CLDN14: variants seen among roughly 807,000 people sequenced by gnomAD.
The protein encoded by CLDN14 is claudin 14.
CLDN14 carries 2 observed loss-of-function variants against 2.1 expected under a neutral mutation model. The observed-to-expected ratio is 0.96, with a 90% CI of 0.39 to 3.01. The LOEUF (loss-of-function observed/expected upper bound fraction) is 3.01, where lower values mean the gene tolerates loss of function less well. Among genes scored for constraint, CLDN14 ranks in the 30% most tolerant of loss-of-function variants. The probability of loss-of-function intolerance (pLI) is 0.09; values close to 1 mark genes in which losing one functional copy is unlikely to be tolerated. For synonymous variants in CLDN14, 136 were observed against 154.4 expected (o/e 0.88, Z 0.88); for missense variants, 298 against 328.0 (o/e 0.91, Z 0.71).
At chr21:36,521,502 C>T (rs934953811) in intron 1 of CLDN14, among the ~76,000 whole-genome samples, 1 of 152,240 alleles carries the variant, frequency 6.6e-6, no homozygotes, top group African/African-American at 2.4e-5. Context: ...CAAACCTCTA[C>T]TTCTGAATGT....
intron 1 of CLDN14, among the ~76,000 whole-genome samples, chr21:36,518,419 G>A (rs2087244994): frequency 6.6e-6 from 1 of 152,076 alleles, no homozygotes; most frequent in Admixed American, 6.6e-5. Flanking sequence ...TGTCCAACAT[G>A]GTGAAACCCC....
At chr21:36,555,307 A>C (rs906463736) in intron 1 of CLDN14, among the ~76,000 whole-genome samples, 6 of 88,586 alleles carry the variant, frequency 6.8e-5, no homozygotes, top group Non-Finnish European at 8.6e-5. Flanking sequence ...AACACAAGCC[A>C]AAAGAGGAGG....
At chr21:36,463,199 T>C (rs540177440) in intron 1 of CLDN14, among the ~76,000 whole-genome samples, 1 of 152,164 alleles carries the variant, frequency 6.6e-6, no homozygotes, top group African/African-American at 2.4e-5. Flanking sequence ...GCCCATCCAG[T>C]GGGCGACCTG....
intron 1 of CLDN14, among the ~76,000 whole-genome samples, chr21:36,553,377 C>T (rs557024878): frequency 1.3e-5 from 2 of 152,254 alleles, no homozygotes; most frequent in South Asian, 4.1e-4. Flanking sequence ...GGCAGTGATG[C>T]CCACCTGAGG....
chr21:36,560,165 C>T (rs1321394902), intron 1 of CLDN14, among the ~76,000 whole-genome samples: 1 of 150,792 alleles, frequency 6.6e-6, no homozygotes, highest in Admixed American at 6.6e-5. Flanking sequence ...TCTTTAGGCT[C>T]AAATACTTAT....
chr21:36,552,600 A>G (rs1020619438), intron 1 of CLDN14, among the ~76,000 whole-genome samples: 1 of 152,242 alleles, frequency 6.6e-6, no homozygotes, highest in Admixed American at 6.5e-5. Flanking sequence ...ACTGAGCCAG[A>G]AAAATAAACC....
At chr21:36,562,141 T>A (rs577966917) in intron 1 of CLDN14, among the ~76,000 whole-genome samples, 1 of 152,342 alleles carries the variant, frequency 6.6e-6, no homozygotes, top group South Asian at 2.1e-4. Context: ...TGTGTATTCA[T>A]AGGGGTAATG....
At chr21:36,522,475 C>T (rs2087278496) in intron 1 of CLDN14, among the ~76,000 whole-genome samples, 1 of 152,210 alleles carries the variant, frequency 6.6e-6, no homozygotes, top group Non-Finnish European at 1.5e-5. Context: ...CCTGCGTGCC[C>T]AGCAGCCAGG....
intron 1 of CLDN14, among the ~76,000 whole-genome samples, chr21:36,515,443 TG>T (rs1257117479): frequency 6.6e-6 from 1 of 151,930 alleles, no homozygotes; most frequent in African/African-American, 2.4e-5. Flanking sequence ...GAGCCTGAGG[TG>T]GGTAGATCAC....
At chr21:36,558,632 T>A (rs1457930627) in intron 1 of CLDN14, among the ~76,000 whole-genome samples, 1 of 152,166 alleles carries the variant, frequency 6.6e-6, no homozygotes, top group Non-Finnish European at 1.5e-5. Flanking sequence ...GGTGCTATTA[T>A]AAAGGAAATT....
At chr21:36,558,461 T>G in intron 1 of CLDN14, among the ~76,000 whole-genome samples, 1 of 145,510 alleles carries the variant, frequency 6.9e-6, no homozygotes, top group East Asian at 2.0e-4. Context: ...CCAATTTATT[T>G]CATCAATATT....
At chr21:36,572,001 C>A (rs2087713251) in intron 1 of CLDN14, among the ~76,000 whole-genome samples, 1 of 152,186 alleles carries the variant, frequency 6.6e-6, no homozygotes, top group Admixed American at 6.5e-5. Context: ...GACTCCCTCC[C>A]CACTCCGTGA....
intron 1 of CLDN14, among the ~76,000 whole-genome samples, chr21:36,569,986 A>G (rs1451169374): frequency 6.6e-6 from 1 of 152,224 alleles, no homozygotes; most frequent in African/African-American, 2.4e-5. Flanking sequence ...GGTCCTGATG[A>G]CATGTGCCCA....
At chr21:36,511,761 T>G (rs867373222) in intron 1 of CLDN14, among the ~76,000 whole-genome samples, 3 of 152,188 alleles carry the variant, frequency 2.0e-5, no homozygotes, top group Admixed American at 6.5e-5. Flanking sequence ...ACTGATGTTA[T>G]CAGCAGGTTG....
chr21:36,545,513 A>C (rs896512540), intron 1 of CLDN14, among the ~76,000 whole-genome samples: 2 of 152,176 alleles, frequency 1.3e-5, no homozygotes, highest in African/African-American at 4.8e-5. Flanking sequence ...AAAGGACCAT[A>C]ATTTCCCTTA....
intron 1 of CLDN14, among the ~76,000 whole-genome samples, chr21:36,465,951 G>T (rs2086640656): frequency 6.6e-6 from 1 of 152,202 alleles, no homozygotes; most frequent in Non-Finnish European, 1.5e-5. Flanking sequence ...AATCCTGGGT[G>T]GGGAGTATGT....
chr21:36,492,572 T>G (rs7277448), intron 2 of CLDN14, among the ~76,000 whole-genome samples: 19,485 of 151,374 alleles, frequency 0.13, 1,359 homozygotes, highest in Middle Eastern at 0.21. Context: ...GAGGTTGCAG[T>G]GAGCAGTGAT....
intron 2 of CLDN14, among the ~76,000 whole-genome samples, chr21:36,502,600 TATG>T (rs1413726293): frequency 1.1e-4 from 16 of 152,330 alleles, no homozygotes; most frequent in African/African-American, 3.4e-4. Context: ...CTGATCTTAT[TATG>T]GTGTTCACTT....
At chr21:36,501,718 G>A (rs1227510089) in intron 2 of CLDN14, among the ~76,000 whole-genome samples, 1 of 152,114 alleles carries the variant, frequency 6.6e-6, no homozygotes, top group Admixed American at 6.6e-5. Context: ...GGCTCTGTTA[G>A]TCTCTCTTTT....
Sources: allele counts gnomAD v4.1 joint callset (sites outside exome capture counted in the v4.1 genomes callset), GRCh38; gene constraint gnomAD v4.1.1; transcripts MANE v1.5; gene names NCBI Gene and HGNC (gene_info 2026-07-23, HGNC 2026-07-21).